Variants in TCF4 observed in about 807,000 individuals in gnomAD.
The protein encoded by TCF4 is transcription factor 4.
TCF4 carries 3 observed loss-of-function variants against 82.1 expected under a neutral mutation model. That is an observed-to-expected ratio of 0.04 (90% CI 0.02 to 0.09). TCF4 has a LOEUF of 0.09. Among genes scored for constraint, TCF4 ranks in the 10% least tolerant of loss-of-function variants. The pLI, the probability that TCF4 is intolerant of heterozygous loss-of-function variation, is 1.00. For missense variants in TCF4, 518 were observed against 852.7 expected, an observed-to-expected ratio of 0.61 and a Z score of 4.89; for synonymous variants, 276 against 309.6, an observed-to-expected ratio of 0.89 and a Z score of 1.14.
In TCF4 at chr18:55,365,181, ATATATATATATG is replaced by A. The variant is rs1471341592; in HGVS notation, c.370-14190_370-14179del. Among the ~76,000 whole-genome samples, 6 of 126,960 alleles carry A rather than the reference ATATATATATATG, an allele frequency of 4.7e-5. No homozygotes were observed. In the East Asian group the frequency reaches 6.7e-4, roughly 14 times the overall value. 83.3% of individuals were successfully genotyped at this position (126,960 alleles called of 152,430 possible). On this transcript the variant is annotated intron_variant, in intron 6 of 19. Transcript: ENST00000354452. ...AATATATATATATATATATATATAT[ATATATATATATG>A]TGTGTGTGTGTGTGTGTATATATAT...
At chr18:55,501,012 C>CAT (rs2096693487) in intron 3 of TCF4, among the ~76,000 whole-genome samples, 1 of 152,024 alleles carries the variant, frequency 6.6e-6, no homozygotes, top group Non-Finnish European at 1.5e-5. Flanking sequence ...ATGATTATTA[C>CAT]TGAGAACCCT....
At chr18:55,505,696 TG>T (rs1209348284) in intron 3 of TCF4, among the ~76,000 whole-genome samples, 1 of 146,838 alleles carries the variant, frequency 6.8e-6, no homozygotes, top group Admixed American at 6.9e-5. Context: ...CCCAGCTACT[TG>T]GGGGGCTGAG....
chr18:55,581,912 CA>C (rs750510480), intron 3 of TCF4, among the ~76,000 whole-genome samples: 2 of 152,004 alleles, frequency 1.3e-5, no homozygotes, highest in African/African-American at 4.8e-5. Flanking sequence ...TAAACAGTCA[CA>C]GGGGAAAAAG....
chr18:55,419,501 T>C (rs1244961765), intron 5 of TCF4, among the ~76,000 whole-genome samples: 1 of 152,236 alleles, frequency 6.6e-6, no homozygotes, highest in Non-Finnish European at 1.5e-5. Context: ...TTTTAATGTA[T>C]GGATTCAGAT....
rs1299651790 is a variant in TCF4 at position 55,351,021 on chromosome 18, G to T, written c.370-18C>A. ...AGACTCTGCTAAAAGGTTAAAAAGG[G>T]AAAACAAACATATAAGGTTAATTTT... On this transcript the variant is annotated intron_variant, in intron 6 of 19. Coordinates refer to ENST00000354452, the MANE Select transcript of TCF4 (RefSeq NM_001083962.2). 13 of 1,612,706 alleles carry T rather than the reference G, an allele frequency of 8.1e-6. No homozygotes were observed. The highest frequency in any genetic ancestry group is 1.0e-5 in the Non-Finnish European group (12 of 1,179,150).
At chr18:55,448,632 T>C (rs551815688) in intron 5 of TCF4, among the ~76,000 whole-genome samples, 1 of 152,342 alleles carries the variant, frequency 6.6e-6, no homozygotes, top group Non-Finnish European at 1.5e-5. Context: ...CTGTGGACAA[T>C]ATCAGCAGAT....
intron 8 of TCF4, among the ~76,000 whole-genome samples, chr18:55,343,303 C>A (rs1027429557): frequency 2.0e-5 from 3 of 152,092 alleles, no homozygotes; most frequent in African/African-American, 7.2e-5. Flanking sequence ...AGCTTCACTA[C>A]GAAATGTTCC....
intron 14 of TCF4, among the ~76,000 whole-genome samples, chr18:55,255,451 C>A (rs1187897036): frequency 6.6e-6 from 1 of 151,260 alleles, no homozygotes; most frequent in Non-Finnish European, 1.5e-5. Flanking sequence ...AACTTTAAAC[C>A]ATTAAAAACC....
chr18:55,401,500 C>T (rs1477855371), intron 6 of TCF4: 1 of 990,230 alleles, frequency 1.0e-6, no homozygotes, highest in African/African-American at 1.7e-5. Flanking sequence ...CAAAACGAAC[C>T]TCCCAAGGCC....
At chr18:55,309,106 A>G (rs1006499736) in intron 8 of TCF4, among the ~76,000 whole-genome samples, 14 of 151,658 alleles carry the variant, frequency 9.2e-5, no homozygotes, top group African/African-American at 3.4e-4. Context: ...TATTATTATT[A>G]TTATTATCAT....
At chr18:55,598,489 A>C (rs2097693524) in intron 2 of TCF4, among the ~76,000 whole-genome samples, 1 of 152,194 alleles carries the variant, frequency 6.6e-6, no homozygotes. Context: ...TTCACAATGC[A>C]TGGAACCATT....
At chr18:55,272,952 T>G (rs527561177) in intron 10 of TCF4, among the ~76,000 whole-genome samples, 1 of 152,166 alleles carries the variant, frequency 6.6e-6, no homozygotes, top group African/African-American at 2.4e-5. Context: ...TGTTTCGCCC[T>G]GTAGTGCAAA....
At chr18:55,488,158 G>A (rs1308561269) in intron 3 of TCF4, among the ~76,000 whole-genome samples, 1 of 152,168 alleles carries the variant, frequency 6.6e-6, no homozygotes, top group Non-Finnish European at 1.5e-5. Flanking sequence ...ATATTCAGTT[G>A]TGGTCATGAA....
chr18:55,416,131 C>T (rs1166554321), intron 5 of TCF4, among the ~76,000 whole-genome samples: 2 of 152,086 alleles, frequency 1.3e-5, no homozygotes, highest in Non-Finnish European at 2.9e-5. Context: ...TATGTATGTA[C>T]ACACACATAT....
chr18:55,277,360 T>C (rs957899896), intron 9 of TCF4, among the ~76,000 whole-genome samples: 12 of 152,156 alleles, frequency 7.9e-5, no homozygotes, highest in African/African-American at 2.7e-4. Flanking sequence ...ATTGAAAACA[T>C]ATATCACTAA....
In TCF4 at chr18:55,223,897, T is replaced by C. The variant is rs2046241565; in HGVS notation, c.*4138A>G. 6.6e-6 allele frequency: 1 copy of C among 152,262 alleles called. No individual in the cohort carries two copies. Among genetic ancestry groups the C allele is most frequent in the Non-Finnish European group, 1.5e-5 (1 of 67,976 alleles). 9.4% of individuals were successfully genotyped at this position (152,262 alleles called of 1,614,324 possible). A position where few individuals can be genotyped will look rare whatever the true frequency, so the allele number is the denominator to read the frequency against. Reference sequence around the variant, plus strand: ...ACATGGTAAAATAACATCTTTTAAATAGTAAAATAAAGTAACAAACTTTTA... The same window carrying C: ...ACATGGTAAAATAACATCTTTTAAACAGTAAAATAAAGTAACAAACTTTTA... On this transcript the variant is annotated 3_prime_UTR_variant, in exon 20 of 20. Transcript: ENST00000354452.
At chr18:55,241,272 C>T (rs1452757210) in intron 15 of TCF4, among the ~76,000 whole-genome samples, 1 of 152,174 alleles carries the variant, frequency 6.6e-6, no homozygotes, top group African/African-American at 2.4e-5. Flanking sequence ...TGTCCCACAC[C>T]CTCAATTCTC....
intron 5 of TCF4, among the ~76,000 whole-genome samples, chr18:55,444,349 C>G (rs1207331809): frequency 6.6e-6 from 1 of 152,154 alleles, no homozygotes; most frequent in East Asian, 1.9e-4. Flanking sequence ...CAAACCAGAT[C>G]TGGAATACTA....
chr18:55,394,462 A>G (rs968820323), intron 6 of TCF4, among the ~76,000 whole-genome samples: 1 of 152,206 alleles, frequency 6.6e-6, no homozygotes, highest in Non-Finnish European at 1.5e-5. Context: ...GTCTTCTAAA[A>G]GGAGAGGAAA....
Sources: allele counts gnomAD v4.1 joint callset (sites outside exome capture counted in the v4.1 genomes callset), GRCh38; gene constraint gnomAD v4.1.1; transcripts MANE v1.5; gene names NCBI Gene and HGNC (gene_info 2026-07-23, HGNC 2026-07-21).